The following ZC2HC1B variants were observed in gnomAD, a reference collection of about 807,000 sequenced individuals.
ZC2HC1B encodes the protein zinc finger C2HC-type containing 1B.
ZC2HC1B carries 36 observed loss-of-function variants against 31.0 expected under a neutral mutation model. That is an observed-to-expected ratio of 1.16 (90% confidence interval 0.89 to 1.54). ZC2HC1B has a LOEUF of 1.54. Among genes scored for constraint, ZC2HC1B ranks in the 40% most tolerant of loss-of-function variants. ZC2HC1B has a pLI of 0.00. For synonymous variants in ZC2HC1B, 73 were observed against 88.0 expected (o/e 0.83, Z 0.95); for missense variants, 260 against 268.6 (o/e 0.97, Z 0.22).
intron 1 of ZC2HC1B, among the ~76,000 whole-genome samples, chr6:143,879,527 T>C (rs1441441961): frequency 6.6e-6 from 1 of 152,198 alleles, no homozygotes; most frequent in Non-Finnish European, 1.5e-5. Context: ...AGGAAGATGT[T>C]GATATTGCTA....
At chr6:143,920,250 T>A (rs1187208500) in intron 6 of ZC2HC1B, among the ~76,000 whole-genome samples, 1 of 152,202 alleles carries the variant, frequency 6.6e-6, no homozygotes. Flanking sequence ...AAGGATTAGA[T>A]AACAAATCAA....
In ZC2HC1B at chr6:143,918,864, A is replaced by G. The variant is rs1777951149; in HGVS notation, c.598+15712A>G. On this transcript the variant is annotated intron_variant, in intron 6 of 7. Transcript: ENST00000237275. The surrounding 1 kb of genome is among the most constrained non-coding windows in gnomAD (Gnocchi z 4.1). ...ATCCTACTAGTAAAGTTTTCATTTC[A>G]TTTATTCTATTTTTCAGTTCTAGAA... is the stretch of plus-strand genomic sequence containing the variant. Among the ~76,000 whole-genome samples, 1 of 151,968 alleles carries G rather than the reference A, an allele frequency of 6.6e-6. No homozygotes were observed. Among genetic ancestry groups the G allele is most frequent in the Non-Finnish European group, 1.5e-5 (1 of 67,974 alleles).
rs1777679035 is a variant in ZC2HC1B, at chr6:143,897,242, GGTT to G, written c.350-1308_350-1306del. 2.0e-5 allele frequency among the ~76,000 whole-genome samples: 3 copies of G among 151,152 alleles called. No individual in the cohort carries two copies. The East Asian group carries it at 5.8e-4, about 29-fold the overall frequency. On this transcript the variant is annotated intron_variant, in intron 4 of 7. Transcript: ENST00000237275. ...AACACAAGTTCTACACTGAGTTTGA[GGTT>G]GATGCAGTTTCACACCCTTCCTGGG...
Position 143,923,858 on chromosome 6 carries a change from A to G in ZC2HC1B, c.599-13791A>G, listed in dbSNP as rs890249618. Among the ~76,000 whole-genome samples the G allele has an allele frequency of 2.0e-5, 3 of 151,454 alleles. No homozygotes were observed. The highest frequency in any genetic ancestry group is 2.1e-4 in the South Asian group (1 of 4,806). ...CTGTTTTAGTTACTACAGCTTTTTA[A>G]TATATTTTGAAATCAGGTATGTGAT... On this transcript the variant is annotated intron_variant, in intron 6 of 7. Coordinates refer to ENST00000237275, the MANE Select transcript of ZC2HC1B (RefSeq NM_001013623.3). This position sits in a 1 kb window ranked among gnomAD's most constrained non-coding sequence, Gnocchi z 4.8.
rs1376605495 is a variant in ZC2HC1B at position 143,903,760 on chromosome 6, AC to A, written c.598+610del. On this transcript the variant is annotated intron_variant, in intron 6 of 7. Transcript: ENST00000237275. The surrounding 1 kb of genome is among the most constrained non-coding windows in gnomAD (Gnocchi z 4.3). The stretch of plus-strand genomic sequence containing the variant: ...TAAAATGGCGTAGAATTTGTATATA[AC>A]CTAGGCACATCCTCCTGTATACACT... 6.6e-6 allele frequency among the ~76,000 whole-genome samples: 1 copy of A among 152,188 alleles called. No homozygotes were observed. Among genetic ancestry groups the A allele is most frequent in the African/African-American group, 2.4e-5 (1 of 41,438 alleles).
Position 143,886,851 on chromosome 6 carries a change from G to T in ZC2HC1B, c.349+30G>T. ...GTAGACATTTTGGGTTGCTTTTGAG[G>T]CTATGCTTGACTTTTGACCAAATCA... is the stretch of plus-strand genomic sequence containing the variant. On this transcript the variant is annotated intron_variant, in intron 4 of 7. Transcript: ENST00000237275. This position sits in a 1 kb window ranked among gnomAD's most constrained non-coding sequence, Gnocchi z 4.2. 1.4e-6 allele frequency: 2 copies of T among 1,471,616 alleles called. No homozygotes were observed. The highest frequency in any genetic ancestry group is 2.8e-5 in the South Asian group (2 of 71,372). The allele number at this position is 1,471,616 out of a possible 1,614,324, so 91.2% of individuals were successfully genotyped here. A position where few individuals can be genotyped will look rare whatever the true frequency, so the allele number is the denominator to read the frequency against.
rs774028763 is a variant in ZC2HC1B at position 143,926,828 on chromosome 6, C to CTT, written c.599-10796_599-10795dup. Among the ~76,000 whole-genome samples, 189 of 78,824 alleles carry CTT rather than the reference C, an allele frequency of 2.4e-3. 10 individuals are homozygous for CTT. The highest frequency in any genetic ancestry group is 7.8e-3 in the Middle Eastern group (1 of 128). The allele number at this position is 78,824 out of a possible 152,430, so 51.7% of individuals were successfully genotyped here. A position where few individuals can be genotyped will look rare whatever the true frequency, so the allele number is the denominator to read the frequency against. Reference sequence around the variant, plus strand: ...TCATATATATTTAGAATTGTATCTTCTTTTTTTTTTTTTTTTTTTTTTTTT... The same window carrying CTT: ...TCATATATATTTAGAATTGTATCTTCTTTTTTTTTTTTTTTTTTTTTTTTTTT... On this transcript the variant is annotated intron_variant, in intron 6 of 7. Coordinates refer to ENST00000237275, the MANE Select transcript of ZC2HC1B (RefSeq NM_001013623.3).
rs1032696134 is a variant in ZC2HC1B, at chr6:143,918,802, C to T, written c.598+15650C>T. ...TTCCATTGTCCTGTCTTTAAGTTTG[C>T]TGAGTCTTTCCTCTGTTTGTTCAAA... On this transcript the variant is annotated intron_variant, in intron 6 of 7. Coordinates refer to ENST00000237275, the MANE Select transcript of ZC2HC1B (RefSeq NM_001013623.3). This position sits in a 1 kb window ranked among gnomAD's most constrained non-coding sequence, Gnocchi z 4.1. Among the ~76,000 whole-genome samples the T allele has an allele frequency of 3.9e-5, 6 of 152,150 alleles. No homozygotes were observed. Among genetic ancestry groups the T allele is most frequent in the Non-Finnish European group, 7.4e-5 (5 of 68,018 alleles).
At chr6:143,900,074 G>GA (rs1229896452) in intron 5 of ZC2HC1B, among the ~76,000 whole-genome samples, 2 of 152,116 alleles carry the variant, frequency 1.3e-5, no homozygotes, top group Non-Finnish European at 2.9e-5. Context: ...TCTGGGGAGC[G>GA]AAAGCATAGA....
At chr6:143,867,906 T>C (rs1346880924) in intron 1 of ZC2HC1B, among the ~76,000 whole-genome samples, 1 of 152,222 alleles carries the variant, frequency 6.6e-6, no homozygotes, top group Non-Finnish European at 1.5e-5. Flanking sequence ...TTCACATGCT[T>C]GTGGATCACG....
At chr6:143,877,307 A>C (rs1582952301) in intron 1 of ZC2HC1B, among the ~76,000 whole-genome samples, 1 of 46,512 alleles carries the variant, frequency 2.1e-5, no homozygotes, top group Admixed American at 2.6e-4. Flanking sequence ...TTTGAGACAG[A>C]GTTTTGCTCT....
rs909923376 is a variant in ZC2HC1B at position 143,923,806 on chromosome 6, T to G, written c.599-13843T>G. Among the ~76,000 whole-genome samples the G allele has an allele frequency of 2.6e-5, 4 of 152,180 alleles. No individual in the cohort carries two copies. Among genetic ancestry groups the G allele is most frequent in the Admixed American group, 2.0e-4 (3 of 15,276 alleles). ...GTGTCTATTCTGTTTCATTGGTTTA[T>G]GTGTCTGTTTTTATACCAATATCTT... On this transcript the variant is annotated intron_variant, in intron 6 of 7. Transcript: ENST00000237275. The surrounding 1 kb of genome is among the most constrained non-coding windows in gnomAD (Gnocchi z 4.8).
At chr6:143,874,933 A>G (rs1352073202) in intron 1 of ZC2HC1B, among the ~76,000 whole-genome samples, 1 of 152,158 alleles carries the variant, frequency 6.6e-6, no homozygotes. Context: ...CCCAGGTTCA[A>G]AGGATTCTCC....
intron 6 of ZC2HC1B, among the ~76,000 whole-genome samples, chr6:143,928,643 G>C (rs1778079773): frequency 6.6e-6 from 1 of 151,796 alleles, no homozygotes. Flanking sequence ...ATTTTGATAG[G>C]AATTCTGTTA....
At chr6:143,882,337 TATATATATATATATATA>T (rs1777479356) in intron 1 of ZC2HC1B, among the ~76,000 whole-genome samples, 2 of 72,544 alleles carry the variant, frequency 2.8e-5, no homozygotes, top group Admixed American at 2.6e-4. Flanking sequence ...ATATTTTTTA[TATATATATATATATATA>T]TATATATATA....
At chr6:143,901,760 T>A (rs1777741325) in intron 5 of ZC2HC1B, among the ~76,000 whole-genome samples, 1 of 152,098 alleles carries the variant, frequency 6.6e-6, no homozygotes, top group South Asian at 2.1e-4. Context: ...TACCCCACCC[T>A]CCCCTTCTCC....
At chr6:143,864,762 A>T (rs1329151122) in intron 1 of ZC2HC1B, among the ~76,000 whole-genome samples, 195 bp downstream of exon 1, 1 of 152,224 alleles carries the variant, frequency 6.6e-6, no homozygotes, top group African/African-American at 2.4e-5. Context: ...CTAGAAAAAA[A>T]TCTTGACTGA....
chr6:143,896,854 C>T (rs755100578), intron 4 of ZC2HC1B, among the ~76,000 whole-genome samples: 8 of 152,114 alleles, frequency 5.3e-5, no homozygotes, highest in Non-Finnish European at 1.0e-4. Context: ...TATTTTTTTT[C>T]AAGGCATTTA....
intron 1 of ZC2HC1B, among the ~76,000 whole-genome samples, chr6:143,866,013 G>A (rs898312432): frequency 6.6e-6 from 1 of 152,048 alleles, no homozygotes; most frequent in Non-Finnish European, 1.5e-5. Context: ...ACAGGGTTTC[G>A]CCATGTTGGC....
Sources: allele counts gnomAD v4.1 joint callset (sites outside exome capture counted in the v4.1 genomes callset), GRCh38; gene constraint gnomAD v4.1.1; non-coding constraint Gnocchi (gnomAD v3.1); transcripts MANE v1.5; gene names NCBI Gene and HGNC (gene_info 2026-07-23, HGNC 2026-07-21).